The following KHDRBS2 variants were observed in gnomAD, a reference collection of about 807,000 sequenced individuals.
KHDRBS2 encodes the protein KH RNA binding domain containing, signal transduction associated 2, also known as KH domain-containing, RNA-binding, signal transduction-associated protein 2.
In KHDRBS2, 26 loss-of-function variants were observed where a neutral mutation model predicts 44.3. The ratio of observed to expected loss-of-function variants is 0.59; its 90% CI spans 0.43 to 0.81. The LOEUF (loss-of-function observed/expected upper bound fraction) is 0.81, where lower values mean the gene tolerates loss of function less well. KHDRBS2 is among the 40% of genes least tolerant of loss of function. The pLI is 0.00. For missense variants in KHDRBS2, 476 were observed against 433.1 expected, an observed-to-expected ratio of 1.10 and a Z score of -0.88; for synonymous variants, 194 against 151.1, an observed-to-expected ratio of 1.28 and a Z score of -2.08.
At chr6:61,558,134 C>T in the KHDRBS2 span, among the ~76,000 whole-genome samples, 1 of 151,944 alleles carries the variant, frequency 6.6e-6, no homozygotes. Context: ...TTTATTTATG[C>T]ACTGATCTTT....
chr6:61,911,846 T>C (rs1388496720), intron 4 of KHDRBS2, among the ~76,000 whole-genome samples: 7 of 152,004 alleles, frequency 4.6e-5, no homozygotes, highest in Non-Finnish European at 8.8e-5. Flanking sequence ...ATTATCCTTT[T>C]ATTTGGCTTG....
At chr6:62,160,391 G>T (rs1044937487) in intron 2 of KHDRBS2, among the ~76,000 whole-genome samples, 2 of 152,088 alleles carry the variant, frequency 1.3e-5, no homozygotes, top group African/African-American at 4.8e-5. Flanking sequence ...CTTTACATGA[G>T]GTAGGTCATT....
At chr6:62,199,939 C>T (rs1228129782) in intron 1 of KHDRBS2, among the ~76,000 whole-genome samples, 1 of 152,108 alleles carries the variant, frequency 6.6e-6, no homozygotes, top group African/African-American at 2.4e-5. Context: ...CACATATCTA[C>T]AACTATCTGA....
intron 1 of KHDRBS2, among the ~76,000 whole-genome samples, chr6:62,232,246 A>G (rs971574259): frequency 5.3e-5 from 8 of 152,210 alleles, no homozygotes; most frequent in Admixed American, 4.6e-4. Context: ...CATGAAGGAA[A>G]GAATTCTGTT....
chr6:62,191,998 AC>A (rs1412898617), intron 1 of KHDRBS2, among the ~76,000 whole-genome samples: 1 of 152,018 alleles, frequency 6.6e-6, no homozygotes, highest in African/African-American at 2.4e-5. Context: ...ATCTCTTGTT[AC>A]TTATATGTTA....
At chr6:61,546,600 A>T in the KHDRBS2 span, among the ~76,000 whole-genome samples, 1 of 152,172 alleles carries the variant, frequency 6.6e-6, no homozygotes, top group Non-Finnish European at 1.5e-5. Context: ...AATTTGAGCT[A>T]TACACACATT....
At chr6:61,681,623 G>T (rs570788427) in intron 8 of KHDRBS2, among the ~76,000 whole-genome samples, 2 of 147,440 alleles carry the variant, frequency 1.4e-5, no homozygotes, top group East Asian at 3.9e-4. Context: ...ACCTTAAGCA[G>T]CAAAATCAGT....
intron 7 of KHDRBS2, among the ~76,000 whole-genome samples, chr6:61,716,396 A>G (rs1324751003): frequency 6.6e-6 from 1 of 152,004 alleles, no homozygotes; most frequent in Non-Finnish European, 1.5e-5. Context: ...GTACTTTGCT[A>G]AGACTCCAGA....
chr6:62,253,455 T>C (rs1585436012), intron 1 of KHDRBS2, among the ~76,000 whole-genome samples: 1 of 151,918 alleles, frequency 6.6e-6, no homozygotes, highest in East Asian at 2.0e-4. Context: ...ATTAGGGCAA[T>C]CTCTCTCTGT....
chr6:62,107,305 A>G (rs1803666371), intron 2 of KHDRBS2, among the ~76,000 whole-genome samples: 3 of 152,298 alleles, frequency 2.0e-5, no homozygotes, highest in Admixed American at 1.3e-4. Context: ...AATAACAGAC[A>G]AACAGAGAGC....
intron 7 of KHDRBS2, 127 bp from the exon 8 acceptor site, chr6:61,697,380 A>C (rs1275540018): frequency 1.5e-6 from 1 of 656,058 alleles, no homozygotes; most frequent in Non-Finnish European, 2.8e-6. Flanking sequence ...CATAAAACAC[A>C]ATCCTAAATA....
chr6:61,651,756 T>C, the KHDRBS2 span, among the ~76,000 whole-genome samples: 1 of 152,122 alleles, frequency 6.6e-6, no homozygotes, highest in Non-Finnish European at 1.5e-5. Flanking sequence ...TCCACTCTTG[T>C]TTAGTCATCA....
At chr6:62,255,068 T>A (rs1168714136) in intron 1 of KHDRBS2, among the ~76,000 whole-genome samples, 1 of 152,056 alleles carries the variant, frequency 6.6e-6, no homozygotes, top group Non-Finnish European at 1.5e-5. Flanking sequence ...CTGCTCAAGA[T>A]CATGCAAATG....
intron 6 of KHDRBS2, among the ~76,000 whole-genome samples, chr6:61,882,096 T>A (rs2127318352): frequency 6.6e-6 from 1 of 152,138 alleles, no homozygotes; most frequent in African/African-American, 2.4e-5. Context: ...TTCTCTTTGA[T>A]ACACAATCTC....
chr6:61,729,286 A>G (rs1297492350), intron 7 of KHDRBS2, among the ~76,000 whole-genome samples: 1 of 152,132 alleles, frequency 6.6e-6, no homozygotes, highest in Non-Finnish European at 1.5e-5. Flanking sequence ...ATGAGAACAC[A>G]TGGGCACATA....
At chr6:61,587,781 C>T in the KHDRBS2 span, among the ~76,000 whole-genome samples, 18 of 152,118 alleles carry the variant, frequency 1.2e-4, no homozygotes, top group African/African-American at 2.7e-4. Flanking sequence ...TGTCTTTCTC[C>T]GATTTCATCT....
intron 6 of KHDRBS2, among the ~76,000 whole-genome samples, chr6:61,789,749 C>T (rs1562185559): frequency 6.6e-6 from 1 of 151,382 alleles, no homozygotes; most frequent in Non-Finnish European, 1.5e-5. Flanking sequence ...GAGTTTCAGA[C>T]TTTGGTTAGT....
At chr6:61,598,019 G>A in the KHDRBS2 span, among the ~76,000 whole-genome samples, 2 of 150,074 alleles carry the variant, frequency 1.3e-5, 1 homozygote, top group Non-Finnish European at 3.0e-5. Context: ...ACTCTGAGCA[G>A]CCAGCCTTTC....
chr6:62,241,607 G>T (rs1402316752), intron 1 of KHDRBS2, among the ~76,000 whole-genome samples: 9 of 152,012 alleles, frequency 5.9e-5, no homozygotes, highest in Non-Finnish European at 1.3e-4. Flanking sequence ...AAGAGTTCAG[G>T]TCTAGACCCA....
Sources: allele counts gnomAD v4.1 joint callset (sites outside exome capture counted in the v4.1 genomes callset), GRCh38; gene constraint gnomAD v4.1.1; transcripts MANE v1.5; gene names NCBI Gene and HGNC (gene_info 2026-07-23, HGNC 2026-07-21).